Variants in VRTN observed in about 807,000 individuals in gnomAD.
VRTN encodes the protein vertnin.
In VRTN, 5 loss-of-function variants were observed where a neutral mutation model predicts 18.2. The observed-to-expected ratio is 0.27, with a 90% CI of 0.14 to 0.58. The LOEUF (loss-of-function observed/expected upper bound fraction) is 0.58. Ranked by LOEUF, VRTN falls within the 20% of genes least tolerant of loss-of-function variation. The pLI is 0.91. For missense variants in VRTN, 741 were observed against 939.4 expected (o/e 0.79, Z 2.76); for synonymous variants, 381 against 393.7 (o/e 0.97, Z 0.38).
chr14:74,322,081 C>T (rs1036118004), intron 1 of VRTN, among the ~76,000 whole-genome samples: 3 of 149,980 alleles, frequency 2.0e-5, no homozygotes, highest in East Asian at 2.0e-4. Flanking sequence ...CTCTTGACCT[C>T]ATGATCCACC....
chr14:74,357,801 C>T lies in VRTN; in HGVS notation c.1018C>T (p.Pro340Ser), dbSNP rs1433059799. 2.5e-6 allele frequency: 4 copies of T among 1,613,076 alleles called. No individual in the cohort carries two copies. In the African/African-American group the frequency reaches 5.3e-5, roughly 22 times the overall value. The change falls in exon 2 of 2, where the codon CCG (proline) becomes TCG (serine). Residue 340 changes from proline to serine, a missense_variant. Pro to Ser is a moderately conservative substitution (Grantham distance 74). Around this residue, in one of 3 missense-constraint regions of VRTN, gnomAD observed 494 missense variants for 546.5 expected, o/e 0.90. Transcript: ENST00000256362. The surrounding 1 kb of genome is among the most constrained non-coding windows in gnomAD (Gnocchi z 7.8). ...VPLQQFLQRF[P>S]EISRSTYYAW... ...ACTTCAGCAGTTCCTCCAGCGGTTC[C>T]CGGAGATCTCCCGCTCAACCTACTA... is the stretch of plus-strand genomic sequence containing the variant.
chr14:74,358,429 G>A lies in VRTN; in HGVS notation c.1646G>A (p.Arg549Gln), dbSNP rs771453510. The A allele has an allele frequency of 1.1e-5, 18 of 1,614,064 alleles. No homozygotes were observed. Among genetic ancestry groups the A allele is most frequent in the East Asian group, 2.2e-5 (1 of 44,896 alleles). ...SAFWVWKSLA[R>Q]GWPRGLSKLQ... is the part of the protein sequence containing the mutation. ...TTTTGGGTCTGGAAGAGTCTTGCTC[G>A]GGGTTGGCCCAGAGGCCTGTCCAAA... Residue 549 changes from arginine to glutamine, a missense_variant, in exon 2 of 2, where the codon CGG (arginine) becomes CAG (glutamine). By Grantham distance (43) the Arg-to-Gln change is conservative (BLOSUM62 1). This residue lies in a region of VRTN where 494 missense variants were observed against 546.5 expected (regional missense o/e 0.90). Transcript: ENST00000256362. This position sits in a 1 kb window ranked among gnomAD's most constrained non-coding sequence, Gnocchi z 5.4.
At chr14:74,326,534 C>T (rs755987687) in intron 1 of VRTN, among the ~76,000 whole-genome samples, 27 of 152,278 alleles carry the variant, frequency 1.8e-4, no homozygotes, top group Non-Finnish European at 2.9e-4. Context: ...TCTAAACCTT[C>T]CAGCCCCAAG....
At chr14:74,308,017 C>T (rs773418471) in intron 1 of VRTN, among the ~76,000 whole-genome samples, 2 of 152,114 alleles carry the variant, frequency 1.3e-5, no homozygotes, top group African/African-American at 2.4e-5. Context: ...TGTAAGCCAC[C>T]GGGTTTAGAG....
chr14:74,351,974 G>A (rs2085688277), intron 1 of VRTN, among the ~76,000 whole-genome samples: 1 of 151,918 alleles, frequency 6.6e-6, no homozygotes, highest in Non-Finnish European at 1.5e-5. Flanking sequence ...CTCCCGAGTA[G>A]CTGGGACTAC....
chr14:74,320,493 A>G (rs1294521835), intron 1 of VRTN, among the ~76,000 whole-genome samples: 8 of 136,634 alleles, frequency 5.9e-5, no homozygotes, highest in African/African-American at 2.2e-4. Flanking sequence ...CGATCTCCTG[A>G]CCTTGTGATC....
At chr14:74,349,953 T>A (rs1297891891) in intron 1 of VRTN, among the ~76,000 whole-genome samples, 1 of 152,038 alleles carries the variant, frequency 6.6e-6, no homozygotes, top group Non-Finnish European at 1.5e-5. Flanking sequence ...CCTCCTTGGT[T>A]TCATACCTTT....
At chr14:74,331,483 T>C (rs1329952567) in intron 1 of VRTN, among the ~76,000 whole-genome samples, 2 of 137,690 alleles carry the variant, frequency 1.5e-5, no homozygotes, top group Non-Finnish European at 3.1e-5. Context: ...GAGCCAAGAT[T>C]GCACCATTGC....
In VRTN at chr14:74,357,571, C is replaced by T. The variant is rs1206627069; in HGVS notation, c.788C>T (p.Pro263Leu). 1.9e-6 allele frequency: 3 copies of T among 1,613,966 alleles called. No individual in the cohort carries two copies. The highest frequency in any genetic ancestry group is 2.2e-5 in the South Asian group (2 of 91,082). ...GCCCCAGCTCTTCCAGCCCTGGCCCCACTCTCATCGCCGGCCAAGACCCTG... is the reference window on the plus strand; with the variant it reads ...GCCCCAGCTCTTCCAGCCCTGGCCCTACTCTCATCGCCGGCCAAGACCCTG... ...GVAPALPALAPLSSPAKTLEL... is the reference protein window; with the variant it reads ...GVAPALPALALLSSPAKTLEL... Residue 263 changes from proline (P) to leucine (L), a missense_variant, in exon 2 of 2, where the codon CCA becomes CTA. By Grantham distance (98) the Pro-to-Leu change is moderately conservative. Around this residue, in one of 3 missense-constraint regions of VRTN, gnomAD observed 494 missense variants for 546.5 expected, o/e 0.90. Transcript: ENST00000256362. The surrounding 1 kb of genome is among the most constrained non-coding windows in gnomAD (Gnocchi z 7.8).
chr14:74,311,308 G>A (rs555673120), intron 1 of VRTN, among the ~76,000 whole-genome samples: 56 of 151,974 alleles, frequency 3.7e-4, no homozygotes, highest in Admixed American at 3.3e-4. Context: ...AATCTTTCCC[G>A]AAATGTTTTA....
Position 74,357,762 on chromosome 14 carries a change from G to T in VRTN, c.979G>T (p.Gly327Trp), listed in dbSNP as rs1278832851. The T allele has an allele frequency of 6.2e-7, 1 of 1,613,150 alleles. No individual in the cohort carries two copies. Among genetic ancestry groups the T allele is most frequent in the Middle Eastern group, 1.7e-4 (1 of 6,060 alleles). ...CTTCCTGCAGGACAGCTTCCACCGG[G>T]GGGGCGTCGTGCCACTTCAGCAGTT... ...KHFLQDSFHR[G>W]GVVPLQQFLQ... Residue 327 changes from glycine (G) to tryptophan (W), a missense_variant, in exon 2 of 2, where the codon GGG (glycine) becomes TGG (tryptophan). Gly to Trp is a radical substitution (Grantham distance 184, BLOSUM62 -2). Around this residue, in one of 3 missense-constraint regions of VRTN, gnomAD observed 494 missense variants for 546.5 expected, o/e 0.90. Transcript: ENST00000256362. The surrounding 1 kb of genome is among the most constrained non-coding windows in gnomAD (Gnocchi z 7.8).
At chr14:74,327,710 T>TATTA (rs111392669) in intron 1 of VRTN, among the ~76,000 whole-genome samples, 1,952 of 151,084 alleles carry the variant, frequency 0.013, 22 homozygotes, top group Non-Finnish European at 0.019. Context: ...TTGATTTTAT[T>TATTA]TTATTATTAT....
intron 1 of VRTN, among the ~76,000 whole-genome samples, chr14:74,336,903 A>G (rs547338925): frequency 1.3e-5 from 2 of 151,970 alleles, no homozygotes; most frequent in African/African-American, 4.8e-5. Flanking sequence ...TCTTATCTAG[A>G]TGCTAACAAC....
At chr14:74,310,560 C>T (rs1360656413) in intron 1 of VRTN, among the ~76,000 whole-genome samples, 1 of 127,542 alleles carries the variant, frequency 7.8e-6, no homozygotes, top group Non-Finnish European at 1.6e-5. Context: ...TTTTTAAACA[C>T]AGAGTCTTGC....
intron 1 of VRTN, among the ~76,000 whole-genome samples, chr14:74,318,682 G>A (rs575539598): frequency 4.5e-4 from 69 of 151,708 alleles, no homozygotes; most frequent in Non-Finnish European, 5.6e-4. Context: ...AAAGTGCTGG[G>A]ATTACAGGCG....
intron 1 of VRTN, among the ~76,000 whole-genome samples, chr14:74,318,930 G>A (rs1678979266): frequency 6.6e-6 from 1 of 150,852 alleles, no homozygotes; most frequent in African/African-American, 2.4e-5. Context: ...GGTCAGGCTG[G>A]TCTTGAACTC....
chr14:74,346,745 A>G (rs1187669146), upstream of VRTN, among the ~76,000 whole-genome samples: 1 of 152,230 alleles, frequency 6.6e-6, no homozygotes, highest in Non-Finnish European at 1.5e-5. Context: ...ACTTTAAAAA[A>G]ATTTCCCAAT....
At chr14:74,320,499 T>C (rs1377600468) in intron 1 of VRTN, among the ~76,000 whole-genome samples, 2 of 147,134 alleles carry the variant, frequency 1.4e-5, no homozygotes, top group Non-Finnish European at 3.0e-5. Flanking sequence ...CCTGACCTTG[T>C]GATCCGCCCG....
chr14:74,354,268 T>C (rs2085707940), intron 1 of VRTN, among the ~76,000 whole-genome samples: 1 of 151,698 alleles, frequency 6.6e-6, no homozygotes, highest in South Asian at 2.1e-4. Context: ...AAAGGAGGAG[T>C]ATTTTGATCA....
Sources: gnomAD v4.1 joint callset for allele counts (sites outside exome capture counted in the v4.1 genomes callset) on GRCh38, gnomAD v4.1.1 for gene constraint, gnomAD v4.1.1 regional missense constraint, Gnocchi (gnomAD v3.1) non-coding constraint, MANE v1.5 for transcripts, NCBI Gene and HGNC (gene_info 2026-07-23, HGNC 2026-07-21) for gene names.